Variants in SCMH1 observed in about 807,000 individuals in gnomAD.
The protein encoded by SCMH1 is polycomb protein SCMH1.
SCMH1 carries 37 observed loss-of-function variants against 70.8 expected under a neutral mutation model. That is an observed-to-expected ratio of 0.52 (90% CI 0.40 to 0.69). The LOEUF (loss-of-function observed/expected upper bound fraction) is 0.69. SCMH1 is among the 30% of genes least tolerant of loss of function. The pLI, the probability that SCMH1 is intolerant of heterozygous loss-of-function variation, is 0.00. For synonymous variants in SCMH1, 292 were observed against 307.4 expected (o/e 0.95, Z 0.52); for missense variants, 607 against 827.3 (o/e 0.73, Z 3.27).
At chr1:41,123,063 TA>T (rs1672329589) in intron 6 of SCMH1, among the ~76,000 whole-genome samples, 1 of 152,042 alleles carries the variant, frequency 6.6e-6, no homozygotes, top group Non-Finnish European at 1.5e-5. Context: ...CTACAAAAAA[TA>T]CAAAAAATTA....
chr1:41,052,228 G>C, intron 10 of SCMH1, among the ~76,000 whole-genome samples: 1 of 152,218 alleles, frequency 6.6e-6, no homozygotes, highest in Admixed American at 6.5e-5. Context: ...GGGGTCTACA[G>C]CCTGTTAGGA....
In SCMH1 at chr1:41,176,712, C is replaced by T. The variant is rs190378512; in HGVS notation, c.13+9409G>A. Among the ~76,000 whole-genome samples the T allele has an allele frequency of 4.1e-3, 626 of 152,296 alleles. 4 individuals are homozygous for T. The highest frequency in any genetic ancestry group is 0.014 in the African/African-American group (567 of 41,560). Reference sequence around the variant, plus strand: ...GCAGCGAGGCTGGGGGAGGGGCGCCCGCCATTGCTGAGGCTTGAGTAAGTA... The same window carrying T: ...GCAGCGAGGCTGGGGGAGGGGCGCCTGCCATTGCTGAGGCTTGAGTAAGTA... On this transcript the variant is annotated intron_variant, in intron 2 of 14. Coordinates refer to ENST00000337495, the Ensembl canonical transcript of SCMH1.
At chr1:41,146,544 TA>T (rs959704470) in intron 5 of SCMH1, among the ~76,000 whole-genome samples, 23 of 150,020 alleles carry the variant, frequency 1.5e-4, no homozygotes, top group African/African-American at 5.2e-4. Context: ...TTTTATACCA[TA>T]TTTTTTTTTT....
At chr1:41,162,711 G>T (rs1362243229) in intron 2 of SCMH1, 1 of 152,106 alleles carries the variant, frequency 6.6e-6, no homozygotes, top group Non-Finnish European at 1.5e-5. Context: ...CAGAAGATGG[G>T]ATGACCAGCT....
rs747653621 is a variant in SCMH1 at position 41,028,324 on chromosome 1, G to C, written c.1822-5C>G. 5 of 1,613,758 alleles carry C rather than the reference G, an allele frequency of 3.1e-6. No individual in the cohort carries two copies. Among genetic ancestry groups the C allele is most frequent in the South Asian group, 1.1e-5 (1 of 91,070 alleles). ...CAGGGCCTTGCCATCGATCTCCTGGGGGGTGGGGAGGTGGGCAGAAGTGGA... is the reference window on the plus strand; with the variant it reads ...CAGGGCCTTGCCATCGATCTCCTGGCGGGTGGGGAGGTGGGCAGAAGTGGA... On this transcript the variant is annotated splice_polypyrimidine_tract_variant and splice_region_variant and intron_variant, in intron 14 of 14. Transcript: ENST00000337495.
At chr1:41,131,235 A>C (rs1370857350) in intron 6 of SCMH1, among the ~76,000 whole-genome samples, 1 of 152,170 alleles carries the variant, frequency 6.6e-6, no homozygotes, top group East Asian at 1.9e-4. Context: ...CTTAATTCTA[A>C]TTCATGGATC....
chr1:41,097,429 T>G (rs1430733066), intron 8 of SCMH1, among the ~76,000 whole-genome samples: 1 of 152,204 alleles, frequency 6.6e-6, no homozygotes, highest in African/African-American at 2.4e-5. Flanking sequence ...CAAAAAAGAA[T>G]GTCTTTTCCA....
chr1:41,213,861 T>C (rs1211016365), intron 1 of SCMH1, among the ~76,000 whole-genome samples: 1 of 151,700 alleles, frequency 6.6e-6, no homozygotes, highest in East Asian at 1.9e-4. Context: ...GAAAAGACAT[T>C]TTCCTCCCCT....
intron 12 of SCMH1, 26 bp from the exon 13 acceptor site, chr1:41,037,567 G>C (rs1645479921): frequency 3.1e-6 from 5 of 1,605,222 alleles, no homozygotes; most frequent in Admixed American, 3.4e-5. Context: ...ACCAGAGTTA[G>C]AGCTTAGAAG....
At chr1:41,167,129 C>T (rs1646462320) in intron 2 of SCMH1, among the ~76,000 whole-genome samples, 1 of 152,074 alleles carries the variant, frequency 6.6e-6, no homozygotes, top group Admixed American at 6.5e-5. Context: ...TATTCTGTTA[C>T]ATGGTGACTC....
At chr1:41,037,143 C>T (rs1241438050) in intron 13 of SCMH1, among the ~76,000 whole-genome samples, 1 of 152,176 alleles carries the variant, frequency 6.6e-6, no homozygotes, top group Non-Finnish European at 1.5e-5. Flanking sequence ...CCTTTTGGGT[C>T]TAGGTCTTTG....
intron 9 of SCMH1, 21 bp downstream of exon 9, chr1:41,075,198 G>T (rs1435991370): frequency 6.2e-7 from 1 of 1,611,414 alleles, no homozygotes; most frequent in South Asian, 1.1e-5. Context: ...TTCCTTTCTG[G>T]GAAACCCACA....
chr1:41,198,931 A>T (rs747010976), intron 1 of SCMH1, among the ~76,000 whole-genome samples: 33 of 152,038 alleles, frequency 2.2e-4, no homozygotes, highest in Non-Finnish European at 3.4e-4. Flanking sequence ...ACTGACCTAA[A>T]CTCCTCCAAC....
At chr1:41,130,470 T>C (rs1330391844) in intron 6 of SCMH1, among the ~76,000 whole-genome samples, 1 of 152,164 alleles carries the variant, frequency 6.6e-6, no homozygotes, top group Non-Finnish European at 1.5e-5. Flanking sequence ...GCTTTTCTTC[T>C]AAGAGTTTTA....
At chr1:41,092,280 T>C (rs1029797825) in intron 8 of SCMH1, among the ~76,000 whole-genome samples, 2 of 152,088 alleles carry the variant, frequency 1.3e-5, no homozygotes, top group African/African-American at 4.8e-5. Context: ...GGAAAGGATT[T>C]CCTATTTAAT....
intron 1 of SCMH1, among the ~76,000 whole-genome samples, chr1:41,203,381 CATTACATCCAGTCAT>C (rs1008008590): frequency 3.3e-5 from 5 of 152,066 alleles, no homozygotes; most frequent in Admixed American, 6.6e-5. Flanking sequence ...ATAAAAAATT[CATTACATCCAGTCAT>C]ATTAACCACA....
At chr1:41,120,753 T>TGATGAAACTGAAGTCCAGAGAGGC (rs1331576726) in intron 6 of SCMH1, among the ~76,000 whole-genome samples, 2 of 152,198 alleles carry the variant, frequency 1.3e-5, no homozygotes, top group South Asian at 2.1e-4. Flanking sequence ...ACATTGCAGA[T>TGATGAAACTGAAGTCCAGAGAGGC]GATGAAACTG....
At chr1:41,185,262 T>A (rs952393717) in intron 2 of SCMH1, among the ~76,000 whole-genome samples, 1 of 152,176 alleles carries the variant, frequency 6.6e-6, no homozygotes, top group Admixed American at 6.5e-5. Flanking sequence ...CCTCTCTTAG[T>A]CTAGAAGACA....
chr1:41,174,184 T>C (rs1274829980), intron 2 of SCMH1, among the ~76,000 whole-genome samples: 1 of 152,010 alleles, frequency 6.6e-6, no homozygotes, highest in Non-Finnish European at 1.5e-5. Flanking sequence ...TATTGAAATA[T>C]CACACTGTAC....
Sources: gnomAD v4.1 joint callset for allele counts (sites outside exome capture counted in the v4.1 genomes callset) on GRCh38, gnomAD v4.1.1 for gene constraint, MANE v1.5 for transcripts, NCBI Gene and HGNC (gene_info 2026-07-23, HGNC 2026-07-21) for gene names.